The following KIAA1755 variants were observed in gnomAD, a reference collection of about 807,000 sequenced individuals.
KIAA1755 encodes uncharacterized protein KIAA1755.
KIAA1755 carries 68 observed loss-of-function variants against 91.7 expected under a neutral mutation model. The ratio of observed to expected loss-of-function variants is 0.74; its 90% CI spans 0.61 to 0.91. The LOEUF (loss-of-function observed/expected upper bound fraction) is 0.91. Among genes scored for constraint, KIAA1755 ranks in the 40% least tolerant of loss-of-function variants. The pLI, the probability that KIAA1755 is intolerant of heterozygous loss-of-function variation, is 0.00. For missense variants in KIAA1755, 1,535 were observed against 1,494.4 expected (o/e 1.03, Z -0.45); for synonymous variants, 610 against 604.6 (o/e 1.01, Z -0.13).
At chr20:38,215,030 T>C (rs1014481580) in intron 13 of KIAA1755, among the ~76,000 whole-genome samples, 1 of 152,196 alleles carries the variant, frequency 6.6e-6, no homozygotes, top group African/African-American at 2.4e-5. Context: ...GTGTTATTAT[T>C]ATTTAGGACC....
chr20:38,244,912 G>C (rs1030125344), intron 2 of KIAA1755, among the ~76,000 whole-genome samples: 5 of 152,116 alleles, frequency 3.3e-5, no homozygotes, highest in African/African-American at 4.8e-5. Context: ...ATTTTTAGTA[G>C]AGACGGGGTT....
Position 38,241,609 on chromosome 20 carries a change from G to C in KIAA1755, c.522C>G (p.Ala174=). 2 of 1,614,212 alleles carry C rather than the reference G, an allele frequency of 1.2e-6. No individual in the cohort carries two copies. The highest frequency in any genetic ancestry group is 8.5e-7 in the Non-Finnish European group (1 of 1,180,030). The stretch of plus-strand genomic sequence containing the variant: ...TGGTTATCTTGGTCCAAGGCACAGG[G>C]GCAATCCCATTTTCTGATGCTACCA... ...NCLVASENGI[A]PVPWTKITSP... The change falls in exon 3 of 14, where the codon GCC becomes GCG. Residue 174 remains alanine (A), a synonymous_variant. Transcript: ENST00000279024.
intron 10 of KIAA1755, 150 bp downstream of exon 10, chr20:38,222,299 C>T (rs2075672739): frequency 7.5e-6 from 6 of 796,606 alleles, no homozygotes; most frequent in African/African-American, 3.4e-5. Flanking sequence ...TGTGACCAGG[C>T]GTCAGCCTGG....
chr20:38,247,262 A>C (rs2076175282), intron 1 of KIAA1755, among the ~76,000 whole-genome samples: 1 of 151,972 alleles, frequency 6.6e-6, no homozygotes, highest in African/African-American at 2.4e-5. Flanking sequence ...CCAGGCATCC[A>C]GCTCCCCTGA....
At position 38,240,619 on chromosome 20, in the gene KIAA1755, G is replaced by C. The variant is rs954630982; in HGVS notation, c.1512C>G (p.Tyr504Ter). The C allele has an allele frequency of 6.6e-7, 1 of 1,510,902 alleles. No individual in the cohort carries two copies. Among genetic ancestry groups the C allele is most frequent in the Non-Finnish European group, 8.8e-7 (1 of 1,130,634 alleles). 93.6% of individuals were successfully genotyped at this position (1,510,902 alleles called of 1,614,324 possible). ...NGPWKVLCSL[Y>*]SPKPNRAKSL... Reference sequence around the variant, plus strand: ...ATTTGGCTCGGTTGGGTTTAGGAGAGTAGAGGGAACACAGGACTTTCCAGG... The same window carrying C: ...ATTTGGCTCGGTTGGGTTTAGGAGACTAGAGGGAACACAGGACTTTCCAGG... Residue 504 changes from tyrosine (Y) to a stop codon, truncating the protein, a stop_gained, in exon 3 of 14, where the codon TAC becomes TAG. Coordinates refer to ENST00000279024, the MANE Select transcript of KIAA1755 (RefSeq NM_001029864.2). LOFTEE classifies it high-confidence loss of function.
chr20:38,260,161 C>A, intron 1 of KIAA1755: 2 of 1,351,306 alleles, frequency 1.5e-6, no homozygotes, highest in Non-Finnish European at 9.7e-7. Context: ...CAGTCAGTTC[C>A]AAAACAAACA....
chr20:38,232,481 A>G (rs2075885117), intron 4 of KIAA1755, among the ~76,000 whole-genome samples: 1 of 151,986 alleles, frequency 6.6e-6, no homozygotes, highest in Admixed American at 6.5e-5. Flanking sequence ...CAAAAAAATT[A>G]GCCAGGCATG....
Position 38,241,155 on chromosome 20 carries a change from C to A in KIAA1755, c.976G>T (p.Ala326Ser), listed in dbSNP as rs528120823. The change falls in exon 3 of 14, where the codon GCC (alanine) becomes TCC (serine). Residue 326 changes from alanine to serine, a missense_variant. Transcript: ENST00000279024. The stretch of plus-strand genomic sequence containing the variant: ...TTTCCCAAGGAAGGTCCTTCATTGG[C>A]CTCTGAGAGAGGCAGTATCTTTTGA... ...LFQKILPLSE[A>S]NEGPSLGNRA... 3 of 1,614,178 alleles carry A rather than the reference C, an allele frequency of 1.9e-6. No homozygotes were observed. The highest frequency in any genetic ancestry group is 2.5e-6 in the Non-Finnish European group (3 of 1,180,018).
intron 2 of KIAA1755, among the ~76,000 whole-genome samples, chr20:38,245,160 G>A (rs1029849631): frequency 6.6e-6 from 1 of 152,204 alleles, no homozygotes; most frequent in Non-Finnish European, 1.5e-5. Context: ...ACCCAAGCCT[G>A]GCCAATCAGG....
At chr20:38,233,094 C>T (rs1440999173) in intron 4 of KIAA1755, among the ~76,000 whole-genome samples, 1 of 152,120 alleles carries the variant, frequency 6.6e-6, no homozygotes, top group Non-Finnish European at 1.5e-5. Context: ...GCACTCCAGC[C>T]TGGGTGACAG....
chr20:38,222,856 G>A (rs1003713253), intron 9 of KIAA1755: 12 of 570,118 alleles, frequency 2.1e-5, no homozygotes, highest in Non-Finnish European at 3.5e-5. Context: ...GCTGCCCTCT[G>A]GCTCCCCCTA....
intron 8 of KIAA1755, among the ~76,000 whole-genome samples, chr20:38,224,289 G>C (rs2075716079): frequency 6.6e-6 from 1 of 152,160 alleles, no homozygotes; most frequent in Non-Finnish European, 1.5e-5. Flanking sequence ...AAAGGAAAGG[G>C]TTTAAAGCTA....
chr20:38,239,258 G>C lies in KIAA1755; in HGVS notation c.1747+270C>G, dbSNP rs1329759691. Among the ~76,000 whole-genome samples the C allele has an allele frequency of 5.3e-5, 8 of 152,344 alleles. No homozygotes were observed. In the East Asian group the frequency reaches 1.2e-3, roughly 22 times the overall value. ...CTATGTCTCAGGCTCTGCTTCTGGG[G>C]AACCCAGTATCCACCTTGGCTGCTT... On this transcript the variant is annotated intron_variant, in intron 4 of 13. Coordinates refer to ENST00000279024, the MANE Select transcript of KIAA1755 (RefSeq NM_001029864.2).
At chr20:38,220,315 T>A (rs1457070753) in intron 10 of KIAA1755, among the ~76,000 whole-genome samples, 1 of 149,414 alleles carries the variant, frequency 6.7e-6, no homozygotes, top group African/African-American at 2.5e-5. Context: ...TTTTTTTTTT[T>A]TTTTGAGACG....
At chr20:38,221,401 G>A (rs2075656448) in intron 10 of KIAA1755, among the ~76,000 whole-genome samples, 1 of 152,206 alleles carries the variant, frequency 6.6e-6, no homozygotes, top group African/African-American at 2.4e-5. Context: ...CAGGCACTGA[G>A]GGGCAGGGAG....
intron 1 of KIAA1755, among the ~76,000 whole-genome samples, chr20:38,253,869 T>A (rs1315838747): frequency 6.6e-6 from 1 of 152,172 alleles, no homozygotes; most frequent in African/African-American, 2.4e-5. Flanking sequence ...CTTTCTGAGA[T>A]GTGGATTAAG....
Position 38,241,123 on chromosome 20 carries a change from A to G in KIAA1755, c.1008T>C (p.Ala336=). The change falls in exon 3 of 14, where the codon GCT becomes GCC. Residue 336 remains alanine (A), a synonymous_variant. Coordinates refer to ENST00000279024, the MANE Select transcript of KIAA1755 (RefSeq NM_001029864.2). ...ANEGPSLGNR[A]CTKPESSEER... ...CCTCAGAGCTTTCTGGCTTTGTGCA[A>G]GCCCGATTTCCCAAGGAAGGTCCTT... The G allele has an allele frequency of 6.2e-7, 1 of 1,614,082 alleles. No individual in the cohort carries two copies. Among genetic ancestry groups the G allele is most frequent in the Non-Finnish European group, 8.5e-7 (1 of 1,179,986 alleles).
intron 1 of KIAA1755, among the ~76,000 whole-genome samples, chr20:38,250,004 T>C (rs2076220506): frequency 6.6e-6 from 1 of 152,216 alleles, no homozygotes; most frequent in Non-Finnish European, 1.5e-5. Context: ...CCTCTTTCCT[T>C]GTGTAAAGAA....
chr20:38,259,280 G>A (rs1186062399), intron 1 of KIAA1755, among the ~76,000 whole-genome samples: 1 of 152,192 alleles, frequency 6.6e-6, no homozygotes, highest in Non-Finnish European at 1.5e-5. Context: ...CGCAGTGCAT[G>A]GATGTAGGTG....
Sources: gnomAD v4.1 joint callset for allele counts (sites outside exome capture counted in the v4.1 genomes callset) on GRCh38, gnomAD v4.1.1 for gene constraint, MANE v1.5 for transcripts, NCBI Gene and HGNC (gene_info 2026-07-23, HGNC 2026-07-21) for gene names.